The following MID1 variants were observed in gnomAD, a reference collection of about 807,000 sequenced individuals.
The protein encoded by MID1 is E3 ubiquitin-protein ligase Midline-1.
Under a neutral mutation model 40.4 loss-of-function variants are expected in MID1, and 7 were observed. The ratio of observed to expected loss-of-function variants is 0.17; its 90% confidence interval spans 0.10 to 0.33. The LOEUF is 0.33. Ranked by LOEUF, MID1 falls within the 10% of genes least tolerant of loss-of-function variation. The pLI, the probability that MID1 is intolerant of heterozygous loss-of-function variation, is 1.00. For synonymous variants in MID1, 229 were observed against 221.2 expected (o/e 1.04, Z -0.31); for missense variants, 367 against 558.5 (o/e 0.66, Z 3.46).
chrX:10,694,845 C>T (rs769708188), intron 1 of MID1, among the ~76,000 whole-genome samples: 18 of 111,814 alleles, frequency 1.6e-4, no homozygotes, highest in Admixed American at 4.8e-4. Context: ...CTTAAACTGC[C>T]CTTGGTCCTC....
intron 1 of MID1, among the ~76,000 whole-genome samples, chrX:10,699,144 A>G (rs1276924258): frequency 9.0e-6 from 1 of 110,799 alleles, no homozygotes; most frequent in Non-Finnish European, 1.9e-5. Flanking sequence ...TTTTCCTTTT[A>G]ATCTTTTTTT....
chrX:10,710,327 C>T (rs2043258332), intron 1 of MID1, among the ~76,000 whole-genome samples: 2 of 111,486 alleles, frequency 1.8e-5, no homozygotes, highest in South Asian at 7.6e-4. Flanking sequence ...TGGCCTATTT[C>T]ATGTATCCAT....
intron 1 of MID1, among the ~76,000 whole-genome samples, chrX:10,578,969 G>A (rs1353165458): frequency 8.9e-6 from 1 of 111,866 alleles, no homozygotes; most frequent in Non-Finnish European, 1.9e-5. Flanking sequence ...GTCCATAATG[G>A]AATTAGTTTT....
At chrX:10,625,249 G>A (rs1935984012), upstream of MID1, among the ~76,000 whole-genome samples, 1 of 111,346 alleles carries the variant, frequency 9.0e-6, no homozygotes, top group Admixed American at 9.6e-5. Flanking sequence ...TTGCTGTAAA[G>A]GCTTTAACTA....
intron 1 of MID1, among the ~76,000 whole-genome samples, chrX:10,704,477 G>A (rs187375540): frequency 9.2e-6 from 1 of 108,735 alleles, no homozygotes; most frequent in African/African-American, 3.3e-5. Flanking sequence ...CAGTAGCTCT[G>A]CCTCCCAGCC....
At chrX:10,734,616 G>A (rs1018913960) in intron 1 of MID1, among the ~76,000 whole-genome samples, 14 of 109,832 alleles carry the variant, frequency 1.3e-4, no homozygotes, top group African/African-American at 4.6e-4. Context: ...ATACTATTGC[G>A]CCATAAAAAG....
chrX:10,741,478 A>T (rs1463225122), intron 1 of MID1, among the ~76,000 whole-genome samples: 4 of 107,587 alleles, frequency 3.7e-5, no homozygotes, highest in East Asian at 2.9e-4. Flanking sequence ...TTTTTTTTTT[A>T]AATACATTCT....
chrX:10,487,977 CA>C (rs1242843665), intron 4 of MID1, among the ~76,000 whole-genome samples: 2 of 105,849 alleles, frequency 1.9e-5, no homozygotes, highest in African/African-American at 6.9e-5. Context: ...ATTTCACCTA[CA>C]AGTCTTTTTT....
At chrX:10,703,673 A>T (rs1261882186) in intron 1 of MID1, among the ~76,000 whole-genome samples, 1 of 111,862 alleles carries the variant, frequency 8.9e-6, no homozygotes, top group Admixed American at 9.5e-5. Flanking sequence ...TTTAAAAAAA[A>T]GTTTATTATA....
At chrX:10,784,966 T>C (rs2043871737) in intron 1 of MID1, among the ~76,000 whole-genome samples, 1 of 110,997 alleles carries the variant, frequency 9.0e-6, no homozygotes, top group Admixed American at 9.6e-5. Flanking sequence ...GTGTTGGAAG[T>C]TCTGGCCAGG....
chrX:10,755,381 T>TA (rs1406007683), intron 1 of MID1, among the ~76,000 whole-genome samples: 5 of 111,566 alleles, frequency 4.5e-5, no homozygotes, highest in African/African-American at 1.6e-4. Context: ...TGGGAGATAG[T>TA]AACTAACCTG....
chrX:10,463,272 C>CATAG (rs1929157527), intron 7 of MID1, among the ~76,000 whole-genome samples: 1 of 111,980 alleles, frequency 8.9e-6, no homozygotes, highest in South Asian at 3.7e-4. Flanking sequence ...GAAAAAGCTC[C>CATAG]ATAGATATTA....
intron 1 of MID1, among the ~76,000 whole-genome samples, chrX:10,716,264 C>T (rs1209554947): frequency 1.8e-5 from 2 of 111,598 alleles, no homozygotes; most frequent in African/African-American, 3.3e-5. Context: ...GGAGGAAGTT[C>T]GAACCCATGG....
At position 10,633,213 on chromosome X, in the gene MID1, G is replaced by A. The variant is rs567857911; in HGVS notation, c.-186-12794C>T. Among the ~76,000 whole-genome samples, 3 of 111,957 alleles carry A rather than the reference G, an allele frequency of 2.7e-5. No homozygotes were observed. The East Asian group carries it at 8.4e-4, about 32-fold the overall frequency. ...GAAGGTGCCCCCTGTACCAGAGAGA[G>A]AAGAATGACTTTTATCATAGAAGAT... On this transcript the variant is annotated intron_variant, in intron 1 of 10. Transcript: ENST00000380785.
intron 1 of MID1, among the ~76,000 whole-genome samples, chrX:10,696,594 G>A (rs2043165376): frequency 8.9e-6 from 1 of 112,015 alleles, no homozygotes; most frequent in East Asian, 2.8e-4. Context: ...AGCAAGAATT[G>A]AGGTTGCTGC....
intron 1 of MID1, among the ~76,000 whole-genome samples, chrX:10,817,548 CTT>C (rs2044145576): frequency 2.0e-5 from 2 of 98,510 alleles, no homozygotes; most frequent in African/African-American, 7.5e-5. Context: ...TTCTTTCTTT[CTT>C]TCTTTCTTTC....
chrX:10,780,820 CTG>C (rs1414202103), intron 1 of MID1, among the ~76,000 whole-genome samples: 1 of 111,737 alleles, frequency 8.9e-6, no homozygotes, highest in African/African-American at 3.3e-5. Flanking sequence ...CAAGATGAAA[CTG>C]TTCCACCTCA....
intron 1 of MID1, among the ~76,000 whole-genome samples, chrX:10,819,705 C>T (rs1399506562): frequency 8.9e-6 from 1 of 111,918 alleles, no homozygotes; most frequent in African/African-American, 3.2e-5. Flanking sequence ...TTCAGGAACC[C>T]TCACAATCTT....
chrX:10,805,923 T>A (rs2044042332), intron 1 of MID1, among the ~76,000 whole-genome samples: 1 of 110,157 alleles, frequency 9.1e-6, no homozygotes, highest in Non-Finnish European at 1.9e-5. Context: ...GGGTTGTTTG[T>A]TTTTTTCTTG....
Sources: gnomAD v4.1 joint callset for allele counts (sites outside exome capture counted in the v4.1 genomes callset) on GRCh38, gnomAD v4.1.1 for gene constraint, MANE v1.5 for transcripts, NCBI Gene and HGNC (gene_info 2026-07-23, HGNC 2026-07-21) for gene names.